The following TMEM167A variants were observed in gnomAD, a reference collection of about 807,000 sequenced individuals.
The protein encoded by TMEM167A is transmembrane protein 167A.
TMEM167A carries 8 observed loss-of-function variants against 11.6 expected under a neutral mutation model. The observed-to-expected ratio is 0.69, with a 90% CI of 0.40 to 1.24. The LOEUF (loss-of-function observed/expected upper bound fraction) is 1.24. Among genes scored for constraint, TMEM167A ranks in the 50% most tolerant of loss-of-function variants. The probability of loss-of-function intolerance (pLI) is 0.01; values close to 1 mark genes in which losing one functional copy is unlikely to be tolerated. For missense variants in TMEM167A, 62 were observed against 87.0 expected, an observed-to-expected ratio of 0.71 and a Z score of 1.14; for synonymous variants, 22 against 28.0, an observed-to-expected ratio of 0.79 and a Z score of 0.67.
chr5:83,069,027 C>T (rs1018327085), intron 1 of TMEM167A, among the ~76,000 whole-genome samples: 2 of 152,122 alleles, frequency 1.3e-5, no homozygotes, highest in Non-Finnish European at 2.9e-5. Flanking sequence ...CACTTAAAAA[C>T]ATGCCTATTA....
intron 1 of TMEM167A, among the ~76,000 whole-genome samples, chr5:83,070,869 TTCTAAG>T (rs1334845294): frequency 2.6e-5 from 4 of 152,074 alleles, no homozygotes; most frequent in Admixed American, 1.3e-4. Context: ...AATAAAATAC[TTCTAAG>T]TCTAAGAGCT....
intron 1 of TMEM167A, chr5:83,071,304 A>G (rs1246527313): frequency 6.6e-6 from 1 of 152,202 alleles, no homozygotes; most frequent in Non-Finnish European, 1.5e-5. Flanking sequence ...AAAAATTAAT[A>G]TAAAAGACAA....
intron 1 of TMEM167A, among the ~76,000 whole-genome samples, chr5:83,071,828 C>T (rs1315755825): frequency 6.6e-6 from 1 of 152,152 alleles, no homozygotes; most frequent in Admixed American, 6.5e-5. Context: ...TTCTCAGCAA[C>T]AGTGGCCACA....
chr5:83,059,344 C>G (rs564739206), intron 3 of TMEM167A, among the ~76,000 whole-genome samples: 10 of 152,084 alleles, frequency 6.6e-5, no homozygotes, highest in Non-Finnish European at 1.5e-4. Context: ...ACTGTACACA[C>G]TTCTCTCATT....
intron 2 of TMEM167A, among the ~76,000 whole-genome samples, chr5:83,064,587 C>G (rs1041809206): frequency 1.3e-5 from 2 of 152,074 alleles, no homozygotes; most frequent in Non-Finnish European, 2.9e-5. Flanking sequence ...GATAGAAAGA[C>G]TTCATGCACA....
intron 2 of TMEM167A, among the ~76,000 whole-genome samples, chr5:83,064,522 T>C (rs1354328177): frequency 6.6e-6 from 1 of 152,182 alleles, no homozygotes; most frequent in East Asian, 1.9e-4. Context: ...GCTTTAATTC[T>C]AAGTTTACAG....
intron 1 of TMEM167A, among the ~76,000 whole-genome samples, chr5:83,075,110 T>C (rs1227185557): frequency 1.3e-5 from 2 of 151,698 alleles, no homozygotes; most frequent in Non-Finnish European, 2.9e-5. Context: ...TTAAAATACC[T>C]AGTCTTTAAG....
chr5:83,076,357 A>G (rs28383106), intron 1 of TMEM167A, among the ~76,000 whole-genome samples: 1,835 of 152,392 alleles, frequency 0.012, 15 homozygotes, highest in Non-Finnish European at 0.018. Context: ...AGCACAGTAT[A>G]TGCATCTTAT....
At chr5:83,061,033 C>T (rs1744399640) in intron 3 of TMEM167A, among the ~76,000 whole-genome samples, 1 of 152,184 alleles carries the variant, frequency 6.6e-6, no homozygotes, top group Non-Finnish European at 1.5e-5. Flanking sequence ...ACAACCACAT[C>T]TACCTTAACT....
At chr5:83,076,301 T>C (rs1312928252) in intron 1 of TMEM167A, among the ~76,000 whole-genome samples, 1 of 152,236 alleles carries the variant, frequency 6.6e-6, no homozygotes, top group Non-Finnish European at 1.5e-5. Context: ...TTTGCTACTT[T>C]TGGAAAAACA....
chr5:83,064,304 C>T, intron 2 of TMEM167A: 1 of 518,504 alleles, frequency 1.9e-6, no homozygotes, highest in South Asian at 1.4e-5. Flanking sequence ...ATTCCTGCTC[C>T]CAAGGAATGA....
intron 1 of TMEM167A, among the ~76,000 whole-genome samples, chr5:83,076,399 A>C (rs958851168): frequency 6.6e-6 from 1 of 152,266 alleles, no homozygotes; most frequent in Non-Finnish European, 1.5e-5. Flanking sequence ...GATAATAAAA[A>C]GAGTTATCTT....
chr5:83,057,163 A>T lies in TMEM167A; in HGVS notation c.149-9T>A. ...AGGACTCTTCCGTTCACCTGTTGAA[A>T]AAAAGGAGATGTTCATCTTGATTAA... On this transcript the variant is annotated splice_polypyrimidine_tract_variant and intron_variant, in intron 3 of 3. Transcript: ENST00000502346. 1 of 1,611,462 alleles carries T rather than the reference A, an allele frequency of 6.2e-7. No homozygotes were observed. The highest frequency in any genetic ancestry group is 1.1e-5 in the South Asian group (1 of 91,012).
intron 1 of TMEM167A, among the ~76,000 whole-genome samples, chr5:83,066,891 C>A (rs1316585359): frequency 6.6e-6 from 1 of 152,102 alleles, no homozygotes; most frequent in African/African-American, 2.4e-5. Context: ...AGCCATGATG[C>A]TCCTCCCTCC....
intron 3 of TMEM167A, among the ~76,000 whole-genome samples, chr5:83,059,361 G>C (rs896618902): frequency 6.6e-6 from 1 of 152,032 alleles, no homozygotes; most frequent in Non-Finnish European, 1.5e-5. Flanking sequence ...CATTACATAA[G>C]ATGGATTTAA....
chr5:83,071,401 G>A (rs944933048), intron 1 of TMEM167A: 6 of 152,024 alleles, frequency 3.9e-5, no homozygotes, highest in African/African-American at 4.8e-5. Context: ...TTTTGGGGGT[G>A]GAAGGGAACA....
At chr5:83,060,975 T>A (rs1744398843) in intron 3 of TMEM167A, among the ~76,000 whole-genome samples, 2 of 152,198 alleles carry the variant, frequency 1.3e-5, no homozygotes. Flanking sequence ...TTATTAACTA[T>A]AAAAACATGT....
At position 83,054,533 on chromosome 5, in the gene TMEM167A, T is replaced by TA. The variant is rs1744301575; in HGVS notation, c.*2550dup. The TA allele has an allele frequency of 6.6e-6, 1 of 152,008 alleles. No individual in the cohort carries two copies. Among genetic ancestry groups the TA allele is most frequent in the Admixed American group, 6.6e-5 (1 of 15,220 alleles). The allele number at this position is 152,008 out of a possible 1,614,324, so 9.4% of individuals were successfully genotyped here. A position where few individuals can be genotyped will look rare whatever the true frequency, so the allele number is the denominator to read the frequency against. On this transcript the variant is annotated 3_prime_UTR_variant, in exon 4 of 4. Transcript: ENST00000502346. Reference sequence around the variant, plus strand: ...GCCCTGTAACAACAGGTCTATATGATAGAGATATTCCATCTGAGCTGGAGG... The same window carrying TA: ...GCCCTGTAACAACAGGTCTATATGATAAGAGATATTCCATCTGAGCTGGAGG...
In TMEM167A at chr5:83,077,338, T is replaced by C. The variant is rs199792439; in HGVS notation, c.-15A>G. 5.5e-5 allele frequency: 88 copies of C among 1,614,156 alleles called. No homozygotes were observed. In the South Asian group the frequency reaches 5.6e-4, roughly 10 times the overall value. Reference sequence around the variant, plus strand: ...CTTCTTACCATAGCGAGGCCGGCGATGCCGCAGCCACATCACCCTTCCGGG... The same window carrying C: ...CTTCTTACCATAGCGAGGCCGGCGACGCCGCAGCCACATCACCCTTCCGGG... On this transcript the variant is annotated 5_prime_UTR_variant, in exon 1 of 4. Transcript: ENST00000502346.
Sources: gnomAD v4.1 joint callset for allele counts (sites outside exome capture counted in the v4.1 genomes callset) on GRCh38, gnomAD v4.1.1 for gene constraint, MANE v1.5 for transcripts, NCBI Gene and HGNC (gene_info 2026-07-23, HGNC 2026-07-21) for gene names.